COL21A1: variants seen among roughly 807,000 people sequenced by gnomAD.
The protein encoded by COL21A1 is collagen alpha-1(XXI) chain.
Under a neutral mutation model 137.9 loss-of-function variants are expected in COL21A1, and 149 were observed. The ratio of observed to expected loss-of-function variants is 1.08; its 90% CI spans 0.95 to 1.24. The LOEUF is 1.24. Ranked by LOEUF, COL21A1 falls within the 50% of genes most tolerant of loss-of-function variation. COL21A1 has a pLI of 0.00. For synonymous variants in COL21A1, 456 were observed against 391.5 expected, an observed-to-expected ratio of 1.16 and a Z score of -1.95; for missense variants, 1,167 against 1,158.4, an observed-to-expected ratio of 1.01 and a Z score of -0.11.
At chr6:56,059,004 T>C (rs747717307) in intron 29 of COL21A1, among the ~76,000 whole-genome samples, 161 bp downstream of exon 29, 1 of 152,194 alleles carries the variant, frequency 6.6e-6, no homozygotes, top group African/African-American at 2.4e-5. Context: ...GAGGATAATA[T>C]ATGAAAAAAT....
At chr6:56,280,506 C>T (rs889965730) in intron 1 of COL21A1, among the ~76,000 whole-genome samples, 2 of 152,300 alleles carry the variant, frequency 1.3e-5, no homozygotes, top group East Asian at 3.9e-4. Context: ...CTATTCCTAC[C>T]CTTGAGGGGC....
At chr6:56,237,716 A>G (rs1782000319) in intron 1 of COL21A1, among the ~76,000 whole-genome samples, 1 of 152,188 alleles carries the variant, frequency 6.6e-6, no homozygotes. Context: ...CTACCTGAAA[A>G]TTAAAAATAT....
At chr6:56,210,269 T>C (rs891311006) in intron 1 of COL21A1, among the ~76,000 whole-genome samples, 6 of 151,906 alleles carry the variant, frequency 3.9e-5, no homozygotes, top group Admixed American at 3.9e-4. Context: ...AAAAAAAGAA[T>C]AATTTAAATA....
At chr6:56,187,905 G>T (rs960932025) in intron 1 of COL21A1, among the ~76,000 whole-genome samples, 4 of 152,124 alleles carry the variant, frequency 2.6e-5, no homozygotes, top group Admixed American at 1.3e-4. Context: ...AAATATTTCT[G>T]ACAAATGACT....
chr6:56,293,735 T>A (rs1002170389), intron 1 of COL21A1, among the ~76,000 whole-genome samples: 2 of 152,174 alleles, frequency 1.3e-5, no homozygotes, highest in Non-Finnish European at 2.9e-5. Context: ...AGAATTACTA[T>A]GAAAAATTTA....
At chr6:56,374,146 G>A (rs1360193118) in intron 1 of COL21A1, among the ~76,000 whole-genome samples, 1 of 152,060 alleles carries the variant, frequency 6.6e-6, no homozygotes. Context: ...CTTTCTTTTT[G>A]GCACGACTTG....
Position 56,203,210 on chromosome 6 carries a change from C to T in COL21A1, c.-38-20554G>A, listed in dbSNP as rs78986660. On this transcript the variant is annotated intron_variant, in intron 1 of 29. Transcript: ENST00000244728. ...CTAACCTTCCAATTCATTCATGATA[C>T]ACCAAAAAGAATTCTGGATAGCAAG... Among the ~76,000 whole-genome samples, 975 of 152,280 alleles carry T rather than the reference C, an allele frequency of 6.4e-3. 6 individuals carry two copies. Among genetic ancestry groups the T allele is most frequent in the Non-Finnish European group, 0.011 (733 of 68,036 alleles).
chr6:56,084,846 A>G (rs1467868338), intron 17 of COL21A1, among the ~76,000 whole-genome samples: 5 of 152,082 alleles, frequency 3.3e-5, no homozygotes, highest in Admixed American at 3.3e-4. Flanking sequence ...CTGCAGACTC[A>G]GAAATCAATA....
At chr6:56,295,037 A>G (rs1764131459) in intron 1 of COL21A1, among the ~76,000 whole-genome samples, 1 of 151,986 alleles carries the variant, frequency 6.6e-6, no homozygotes, top group Non-Finnish European at 1.5e-5. Context: ...CTCCTGTGTT[A>G]TCTTCCAGCT....
In COL21A1 at chr6:56,179,789, C is replaced by T. The variant is rs143800549; in HGVS notation, c.429G>A (p.Thr143=). ...TGACGTCATCTTGGGATTTGCCATC[C>T]GTAAGTACCACTGCTATCTTAGTCA... ...RFLTKIAVVL[T]DGKSQDDVKD... is the part of the protein sequence containing the mutation. Residue 143 remains threonine, a synonymous_variant, in exon 3 of 30, where the codon ACG becomes ACA. Coordinates refer to ENST00000244728, the MANE Select transcript of COL21A1 (RefSeq NM_030820.4). 1.5e-5 allele frequency: 25 copies of T among 1,613,840 alleles called. No individual in the cohort carries two copies. The African/African-American group carries it at 2.4e-4, about 15-fold the overall frequency.
rs74677013 is a variant in COL21A1 at position 56,213,723 on chromosome 6, T to G, written c.-38-31067A>C. On this transcript the variant is annotated intron_variant, in intron 1 of 29. Transcript: ENST00000244728. ...TTTTCGTGTGTGTACTACAGAGCCC[T>G]TAACAGTGCTAAGCCCACAGAAGGC... Among the ~76,000 whole-genome samples the G allele has an allele frequency of 5.4e-3, 821 of 152,164 alleles. 2 individuals carry two copies. The highest frequency in any genetic ancestry group is 9.6e-3 in the Admixed American group (146 of 15,244).
chr6:56,279,124 T>C (rs1458015698), intron 1 of COL21A1, among the ~76,000 whole-genome samples: 3 of 152,126 alleles, frequency 2.0e-5, no homozygotes, highest in Admixed American at 2.0e-4. Flanking sequence ...GCTGATCTCC[T>C]TATAGTGAGT....
chr6:56,239,979 A>G (rs1447797898), intron 1 of COL21A1, among the ~76,000 whole-genome samples: 2 of 151,974 alleles, frequency 1.3e-5, no homozygotes, highest in Non-Finnish European at 2.9e-5. Context: ...CATGGGGATG[A>G]TTTCCCCCAT....
intron 1 of COL21A1, among the ~76,000 whole-genome samples, chr6:56,326,125 AAC>A (rs963274873): frequency 1.4e-5 from 2 of 140,086 alleles, no homozygotes; most frequent in African/African-American, 5.2e-5. Flanking sequence ...AAAACTGGGA[AAC>A]ACATGGTTCT....
intron 1 of COL21A1, among the ~76,000 whole-genome samples, chr6:56,245,303 A>C (rs1332112299): frequency 6.6e-6 from 1 of 152,188 alleles, no homozygotes; most frequent in Non-Finnish European, 1.5e-5. Context: ...AGAAGGTGAA[A>C]TCCTTCACCA....
In COL21A1 at chr6:56,064,594, C is replaced by G; in HGVS notation, c.2156G>C (p.Gly719Ala). Residue 719 changes from glycine to alanine, a missense_variant, in exon 24 of 30, where the codon GGA becomes GCA. Physicochemically the swap from Gly to Ala is moderately conservative, Grantham distance 60. Coordinates refer to ENST00000244728, the MANE Select transcript of COL21A1 (RefSeq NM_030820.4). ...AAAAAATACCTGTTGCCCTGGAATT[C>G]CCTGTCTTCCATTTTCTCCCTTTTG... ...QGQKGENGRQ[G>A]IPGQQGIQGH... 13 of 1,595,696 alleles carry G rather than the reference C, an allele frequency of 8.1e-6. No homozygotes were observed. Among genetic ancestry groups the G allele is most frequent in the African/African-American group, 1.3e-5 (1 of 74,454 alleles).
intron 10 of COL21A1, among the ~76,000 whole-genome samples, chr6:56,146,751 T>C (rs1364938660): frequency 6.6e-6 from 1 of 152,084 alleles, no homozygotes; most frequent in Non-Finnish European, 1.5e-5. Context: ...CTGAAAAACA[T>C]ATTGGAATGG....
At chr6:56,269,889 T>C (rs993944342) in intron 1 of COL21A1, among the ~76,000 whole-genome samples, 46 of 152,150 alleles carry the variant, frequency 3.0e-4, no homozygotes, top group African/African-American at 1.1e-3. Context: ...ACTGATGGAA[T>C]TCATCACAAC....
chr6:56,129,367 T>G (rs1229638830), intron 12 of COL21A1, among the ~76,000 whole-genome samples: 1 of 152,040 alleles, frequency 6.6e-6, no homozygotes, highest in Non-Finnish European at 1.5e-5. Context: ...GATATAACCT[T>G]GACTTTATAA....
Sources: gnomAD v4.1 joint callset for allele counts (sites outside exome capture counted in the v4.1 genomes callset) on GRCh38, gnomAD v4.1.1 for gene constraint, MANE v1.5 for transcripts, NCBI Gene and HGNC (gene_info 2026-07-23, HGNC 2026-07-21) for gene names.